SND1: variants seen among roughly 807,000 people sequenced by gnomAD.
SND1 encodes staphylococcal nuclease domain-containing protein 1.
Under a neutral mutation model 121.7 loss-of-function variants are expected in SND1, and 38 were observed. The observed-to-expected ratio is 0.31, with a 90% CI of 0.24 to 0.41. The LOEUF (loss-of-function observed/expected upper bound fraction) is 0.41. SND1 is among the 10% of genes least tolerant of loss of function. The pLI is 1.00. For synonymous variants in SND1, 401 were observed against 447.4 expected (o/e 0.90, Z 1.31); for missense variants, 868 against 1,184.6 (o/e 0.73, Z 3.92).
chr7:127,691,756 G>A (rs1029108507), intron 2 of SND1, among the ~76,000 whole-genome samples: 2 of 150,828 alleles, frequency 1.3e-5, no homozygotes, highest in Non-Finnish European at 3.0e-5. Context: ...GGGATTGCAG[G>A]CGTGCGCCAA....
At chr7:127,900,083 A>G (rs141811920) in intron 13 of SND1, among the ~76,000 whole-genome samples, 1 of 152,132 alleles carries the variant, frequency 6.6e-6, no homozygotes, top group Non-Finnish European at 1.5e-5. Flanking sequence ...TTCATGTATG[A>G]AAGTAGTTCT....
intron 10 of SND1, among the ~76,000 whole-genome samples, chr7:127,787,691 T>C (rs1400803681): frequency 6.6e-6 from 1 of 152,214 alleles, no homozygotes; most frequent in Non-Finnish European, 1.5e-5. Flanking sequence ...CCTCCCTGGC[T>C]CCCAATTTGG....
intron 12 of SND1, among the ~76,000 whole-genome samples, chr7:127,868,814 C>T (rs1224814556): frequency 6.6e-6 from 1 of 152,100 alleles, no homozygotes; most frequent in Non-Finnish European, 1.5e-5. Context: ...GCCACATGAA[C>T]ATTATATGGT....
chr7:127,811,371 C>T (rs916274683), intron 11 of SND1, among the ~76,000 whole-genome samples: 1 of 152,170 alleles, frequency 6.6e-6, no homozygotes, highest in Non-Finnish European at 1.5e-5. Flanking sequence ...TCCATGTGCA[C>T]CAGACTTATA....
At chr7:127,904,270 C>G (rs912909782) in intron 13 of SND1, 1 of 152,830 alleles carries the variant, frequency 6.5e-6, no homozygotes, top group African/African-American at 2.4e-5. Context: ...CTTTTCTCTA[C>G]AGTATTGCTC....
intron 9 of SND1, among the ~76,000 whole-genome samples, chr7:127,714,641 A>G (rs920815421): frequency 3.3e-5 from 5 of 152,178 alleles, no homozygotes; most frequent in Non-Finnish European, 7.3e-5. Flanking sequence ...CAATAACTCT[A>G]CATCCCTCTG....
At chr7:127,656,484 A>G (rs1795212079) in intron 1 of SND1, among the ~76,000 whole-genome samples, 2 of 151,904 alleles carry the variant, frequency 1.3e-5, no homozygotes, top group African/African-American at 4.8e-5. Context: ...CAGCATGCCC[A>G]GCTAACTTTT....
At chr7:127,979,260 G>T (rs143031437) in intron 15 of SND1, among the ~76,000 whole-genome samples, 1 of 152,190 alleles carries the variant, frequency 6.6e-6, no homozygotes, top group African/African-American at 2.4e-5. Flanking sequence ...TGTGGCAAAA[G>T]AAACAGCACT....
At chr7:127,922,587 AT>A (rs1800742843) in intron 14 of SND1, among the ~76,000 whole-genome samples, 1 of 152,066 alleles carries the variant, frequency 6.6e-6, no homozygotes, top group African/African-American at 2.4e-5. Flanking sequence ...CTCTTAGATG[AT>A]TTAGTTCCTT....
Position 128,085,927 on chromosome 7 carries a change from GC to G in SND1, c.2304+152del. On this transcript the variant is annotated intron_variant, in intron 20 of 23. Transcript: ENST00000354725. This position sits in a 1 kb window ranked among gnomAD's most constrained non-coding sequence, Gnocchi z 4.4. ...CTCTGCTGTGCGTGTAACAGGCCAGGCCCCCTCAGTGACCTGGCAAAACTGG... is the reference window on the plus strand; with the variant it reads ...CTCTGCTGTGCGTGTAACAGGCCAGGCCCCTCAGTGACCTGGCAAAACTGG... The G allele has an allele frequency of 1.4e-6, 1 of 715,112 alleles. No homozygotes were observed. 44.3% of individuals were successfully genotyped at this position (715,112 alleles called of 1,614,324 possible).
At position 127,702,488 on chromosome 7, in the gene SND1, G is replaced by C; in HGVS notation, c.643G>C (p.Asp215His). 1 of 1,614,120 alleles carries C rather than the reference G, an allele frequency of 6.2e-7. No homozygotes were observed. The highest frequency in any genetic ancestry group is 8.5e-7 in the Non-Finnish European group (1 of 1,179,972). Residue 215 changes from aspartate to histidine, a missense_variant, in exon 6 of 24, where the codon GAT (aspartate) becomes CAT (histidine). Asp to His is a moderately conservative substitution (Grantham distance 81). Transcript: ENST00000354725. ...TGTGGTCAGGGCCCTGCTCCTCCCA[G>C]ATTACTACCTGGTTACAGTCATGCT... ...GSVVRALLLP[D>H]YYLVTVMLSG...
intron 13 of SND1, among the ~76,000 whole-genome samples, chr7:127,902,168 T>C (rs1800246044): frequency 6.6e-6 from 1 of 152,212 alleles, no homozygotes; most frequent in South Asian, 2.1e-4. Flanking sequence ...CAGGCCCTGT[T>C]CTTTTTTTCT....
chr7:127,895,786 G>T (rs1800107459), intron 13 of SND1, among the ~76,000 whole-genome samples: 1 of 151,992 alleles, frequency 6.6e-6, no homozygotes, highest in Admixed American at 6.6e-5. Context: ...AGCACAAATG[G>T]CCACTTCTGG....
chr7:127,673,957 A>G (rs1041603676), intron 1 of SND1, among the ~76,000 whole-genome samples: 3 of 151,940 alleles, frequency 2.0e-5, no homozygotes, highest in Admixed American at 6.6e-5. Flanking sequence ...CCTTGGTTCT[A>G]TTTAGCAGAG....
intron 15 of SND1, among the ~76,000 whole-genome samples, chr7:127,929,885 G>A (rs1156671850): frequency 2.6e-5 from 4 of 152,176 alleles, no homozygotes; most frequent in Non-Finnish European, 5.9e-5. Flanking sequence ...GACGTGCTAA[G>A]GCAAAGATGC....
intron 16 of SND1, among the ~76,000 whole-genome samples, chr7:128,057,371 C>G (rs1793160199): frequency 1.3e-5 from 2 of 152,182 alleles, no homozygotes; most frequent in Admixed American, 1.3e-4. Context: ...CATTTCGTCG[C>G]TGGTAATATA....
chr7:127,851,565 C>T (rs1229717816), intron 12 of SND1, among the ~76,000 whole-genome samples: 2 of 152,190 alleles, frequency 1.3e-5, no homozygotes, highest in Non-Finnish European at 2.9e-5. Context: ...ATTCATATCA[C>T]TTATTCATTT....
chr7:128,024,074 G>A (rs934367648), intron 16 of SND1, among the ~76,000 whole-genome samples: 3 of 151,564 alleles, frequency 2.0e-5, no homozygotes, highest in African/African-American at 7.3e-5. Context: ...CTGTGTGTGT[G>A]TGTGTGTGTA....
intron 10 of SND1, among the ~76,000 whole-genome samples, chr7:127,773,386 A>G (rs369695935): frequency 6.6e-6 from 1 of 151,802 alleles, no homozygotes; most frequent in South Asian, 2.1e-4. Context: ...CGGGAGGCAG[A>G]GGTTGCAGTG....
Sources: gnomAD v4.1 joint callset for allele counts (sites outside exome capture counted in the v4.1 genomes callset) on GRCh38, gnomAD v4.1.1 for gene constraint, Gnocchi (gnomAD v3.1) non-coding constraint, MANE v1.5 for transcripts, NCBI Gene and HGNC (gene_info 2026-07-23, HGNC 2026-07-21) for gene names.